Variants in PRKAR1B observed in about 807,000 individuals in gnomAD.
The protein encoded by PRKAR1B is protein kinase cAMP-dependent type I regulatory subunit beta.
In PRKAR1B, 22 loss-of-function variants were observed where a neutral mutation model predicts 46.5. That is an observed-to-expected ratio of 0.47 (90% CI 0.34 to 0.68). PRKAR1B has a LOEUF of 0.68. Among genes scored for constraint, PRKAR1B ranks in the 30% least tolerant of loss-of-function variants. The pLI is 0.01. For missense variants in PRKAR1B, 445 were observed against 535.6 expected (o/e 0.83, Z 1.67); for synonymous variants, 259 against 217.7 (o/e 1.19, Z -1.67).
chr7:612,565 G>C (rs1782583037), intron 4 of PRKAR1B, among the ~76,000 whole-genome samples: 2 of 152,188 alleles, frequency 1.3e-5, no homozygotes, highest in African/African-American at 4.8e-5. Flanking sequence ...ATGGACAGGT[G>C]GATGGACCGA....
intron 4 of PRKAR1B, among the ~76,000 whole-genome samples, chr7:650,021 C>T (rs1377843972): frequency 2.1e-5 from 3 of 145,068 alleles, no homozygotes; most frequent in Admixed American, 7.1e-5. Context: ...TCTTGCTATG[C>T]GGCCCAGGCT....
At chr7:604,408 T>A (rs374910657) in intron 6 of PRKAR1B, among the ~76,000 whole-genome samples, 7 of 152,320 alleles carry the variant, frequency 4.6e-5, no homozygotes, top group East Asian at 1.9e-4. Flanking sequence ...TGCCTCAGTT[T>A]CCATCTCTAG....
At chr7:581,083 C>T (rs1472198612) in intron 8 of PRKAR1B, among the ~76,000 whole-genome samples, 6 of 152,124 alleles carry the variant, frequency 3.9e-5, no homozygotes, top group Non-Finnish European at 5.9e-5. Flanking sequence ...GCGGGCGGAT[C>T]ACGAGGTCAG....
chr7:686,412 A>C (rs969209095), intron 2 of PRKAR1B, among the ~76,000 whole-genome samples: 1 of 152,202 alleles, frequency 6.6e-6, no homozygotes, highest in African/African-American at 2.4e-5. Flanking sequence ...AAAGATTTTA[A>C]AATGGTGATA....
chr7:635,975 A>G (rs1282454892), intron 4 of PRKAR1B, among the ~76,000 whole-genome samples: 1 of 109,118 alleles, frequency 9.2e-6, no homozygotes, highest in African/African-American at 3.4e-5. Context: ...CACGTCCTCC[A>G]CCGGCCGCGC....
chr7:657,599 C>T (rs536585372), intron 4 of PRKAR1B, among the ~76,000 whole-genome samples: 128 of 152,274 alleles, frequency 8.4e-4, no homozygotes, highest in Admixed American at 1.1e-3. Flanking sequence ...TACCCAGCGG[C>T]GCCAGGGGCT....
At chr7:611,066 A>G (rs1302157690) in intron 4 of PRKAR1B, among the ~76,000 whole-genome samples, 3 of 152,184 alleles carry the variant, frequency 2.0e-5, no homozygotes, top group South Asian at 2.1e-4. Context: ...ACCCGCCCCT[A>G]TGAGGTCAGC....
Position 604,770 on chromosome 7 carries a change from C to T in PRKAR1B, c.549+1423G>A, listed in dbSNP as rs575827547. ...GGCACAGCCACCGGAGGCCAGACCT[C>T]GAAATAGCTCGTGCTGGGCAGCCGG... On this transcript the variant is annotated intron_variant, in intron 6 of 10. Coordinates refer to ENST00000537384, the MANE Select transcript of PRKAR1B (RefSeq NM_001164760.2). Among the ~76,000 whole-genome samples, 30 of 152,272 alleles carry T rather than the reference C, an allele frequency of 2.0e-4. No homozygotes were observed. In the South Asian group the frequency reaches 3.3e-3, roughly 17 times the overall value.
upstream of PRKAR1B, among the ~76,000 whole-genome samples, chr7:728,632 T>A (rs571508770): frequency 6.6e-6 from 1 of 152,294 alleles, no homozygotes; most frequent in Non-Finnish European, 1.5e-5. Context: ...CTCAACCACT[T>A]CCCTACCCAG....
chr7:650,763 G>A lies in PRKAR1B; in HGVS notation c.440+26466C>T, dbSNP rs184858911. ...ATTTGCAAAGGTCACGTGGCCCACA[G>A]GCAGCTCAGAGACGTCACGTCATTT... On this transcript the variant is annotated intron_variant, in intron 4 of 10. Coordinates refer to ENST00000537384, the MANE Select transcript of PRKAR1B (RefSeq NM_001164760.2). Among the ~76,000 whole-genome samples, 625 of 152,278 alleles carry A rather than the reference G, an allele frequency of 4.1e-3. 1 individual carries two copies. Among genetic ancestry groups the A allele is most frequent in the South Asian group, 0.019 (94 of 4,822 alleles).
intron 9 of PRKAR1B, among the ~76,000 whole-genome samples, chr7:554,863 G>A (rs1778324345): frequency 6.6e-6 from 1 of 152,216 alleles, no homozygotes; most frequent in Non-Finnish European, 1.5e-5. Context: ...CACAGAGCCG[G>A]AAGATAGGGG....
intron 2 of PRKAR1B, among the ~76,000 whole-genome samples, chr7:685,975 C>T (rs760851453): frequency 1.3e-5 from 2 of 151,918 alleles, no homozygotes; most frequent in Non-Finnish European, 2.9e-5. Flanking sequence ...GAAAGCTAAG[C>T]AGGGTGGATA....
At chr7:606,703 C>T (rs1481714473) in intron 5 of PRKAR1B, among the ~76,000 whole-genome samples, 2 of 152,092 alleles carry the variant, frequency 1.3e-5, no homozygotes, top group Non-Finnish European at 2.9e-5. Context: ...CCGCCTCGGC[C>T]TCCCAAAGTG....
intron 2 of PRKAR1B, among the ~76,000 whole-genome samples, chr7:686,137 A>C (rs1298612805): frequency 6.6e-6 from 1 of 152,042 alleles, no homozygotes. Context: ...CGTCTCTACT[A>C]AAAATACAAA....
intron 9 of PRKAR1B, among the ~76,000 whole-genome samples, chr7:562,339 T>C (rs1481944353): frequency 1.3e-5 from 2 of 152,138 alleles, no homozygotes; most frequent in Non-Finnish European, 2.9e-5. Flanking sequence ...TTTGTGTGGC[T>C]TCAACCCCAA....
intron 4 of PRKAR1B, among the ~76,000 whole-genome samples, chr7:618,849 C>T (rs531793322): frequency 2.6e-5 from 4 of 152,334 alleles, no homozygotes; most frequent in East Asian, 1.9e-4. Flanking sequence ...TCTTCTTACA[C>T]GCAGTCACCT....
At chr7:682,514 G>C (rs1008176534) in intron 2 of PRKAR1B, among the ~76,000 whole-genome samples, 2 of 152,164 alleles carry the variant, frequency 1.3e-5, no homozygotes, top group African/African-American at 4.8e-5. Flanking sequence ...GGGAGGCCGA[G>C]ATGGGTGGAT....
At chr7:591,917 C>T (rs1319760545) in intron 7 of PRKAR1B, among the ~76,000 whole-genome samples, 2 of 152,286 alleles carry the variant, frequency 1.3e-5, no homozygotes, top group South Asian at 2.1e-4. Context: ...AAGCCAGCCC[C>T]GGCTCCCACG....
intron 4 of PRKAR1B, among the ~76,000 whole-genome samples, chr7:664,915 A>G (rs765094347): frequency 6.6e-6 from 1 of 152,136 alleles, no homozygotes; most frequent in Non-Finnish European, 1.5e-5. Context: ...CTGTGTCTCA[A>G]AAAAACAAAA....
Sources: gnomAD v4.1 joint callset for allele counts (sites outside exome capture counted in the v4.1 genomes callset) on GRCh38, gnomAD v4.1.1 for gene constraint, MANE v1.5 for transcripts, NCBI Gene and HGNC (gene_info 2026-07-23, HGNC 2026-07-21) for gene names.